Variants in PIAS1 observed in about 807,000 individuals in gnomAD.
PIAS1 encodes protein inhibitor of activated STAT 1, also known as E3 SUMO-protein ligase PIAS1.
A neutral mutation model predicts 71.3 loss-of-function variants in PIAS1; 6 were observed. The ratio of observed to expected loss-of-function variants is 0.08; its 90% CI spans 0.05 to 0.17. PIAS1 has a LOEUF of 0.17. Among genes scored for constraint, PIAS1 ranks in the 10% least tolerant of loss-of-function variants. The pLI is 1.00. For missense variants in PIAS1, 555 were observed against 793.6 expected (o/e 0.70, Z 3.61); for synonymous variants, 303 against 292.9 (o/e 1.03, Z -0.35).
chr15:68,163,479 G>T (rs1018571793), intron 7 of PIAS1, among the ~76,000 whole-genome samples: 3 of 152,064 alleles, frequency 2.0e-5, no homozygotes, highest in African/African-American at 4.8e-5. Flanking sequence ...ACTACCAATT[G>T]GTGTCCCTCT....
intron 8 of PIAS1, among the ~76,000 whole-genome samples, chr15:68,166,045 T>G (rs2092955744): frequency 1.3e-5 from 2 of 152,310 alleles, no homozygotes; most frequent in South Asian, 4.1e-4. Flanking sequence ...TTTTGTAATT[T>G]ATGAAACTTC....
chr15:68,066,275 A>C (rs900533900), intron 1 of PIAS1, among the ~76,000 whole-genome samples: 3 of 151,618 alleles, frequency 2.0e-5, no homozygotes, highest in African/African-American at 7.3e-5. Context: ...TGCCCAGCTA[A>C]TATTTGTGTT....
intron 1 of PIAS1, among the ~76,000 whole-genome samples, chr15:68,085,627 A>G (rs1013868991): frequency 3.9e-5 from 6 of 152,196 alleles, no homozygotes; most frequent in Admixed American, 3.9e-4. Context: ...TAGTAGCTTT[A>G]TGGCTTTATA....
rs1288880680 is a variant in PIAS1 at position 68,174,354 on chromosome 15, C to T, written c.1169+462C>T. Reference sequence around the variant, plus strand: ...TCATGGTCTTCTTTTTCTTTTTTGTCTTGCCCACCTATAGCATCACAAAAC... The same window carrying T: ...TCATGGTCTTCTTTTTCTTTTTTGTTTTGCCCACCTATAGCATCACAAAAC... On this transcript the variant is annotated intron_variant, in intron 9 of 13. Coordinates refer to ENST00000249636, the MANE Select transcript of PIAS1 (RefSeq NM_016166.3). This position sits in a 1 kb window ranked among gnomAD's most constrained non-coding sequence, Gnocchi z 4.0. Among the ~76,000 whole-genome samples, 1 of 152,106 alleles carries T rather than the reference C, an allele frequency of 6.6e-6. No individual in the cohort carries two copies. Among genetic ancestry groups the T allele is most frequent in the Non-Finnish European group, 1.5e-5 (1 of 67,994 alleles).
At chr15:68,085,552 G>A (rs921342310) in intron 1 of PIAS1, among the ~76,000 whole-genome samples, 1 of 152,138 alleles carries the variant, frequency 6.6e-6, no homozygotes, top group African/African-American at 2.4e-5. Flanking sequence ...TTTTCCTAAT[G>A]GTTTAGTGGA....
At chr15:68,096,237 A>G (rs991630329) in intron 2 of PIAS1, among the ~76,000 whole-genome samples, 5 of 152,102 alleles carry the variant, frequency 3.3e-5, no homozygotes, top group African/African-American at 1.2e-4. Flanking sequence ...TCATTTGGCT[A>G]TGTATGTGTG....
chr15:68,189,985 G>C lies in PIAS1; in HGVS notation c.*2150G>C, dbSNP rs1441929634. On this transcript the variant is annotated 3_prime_UTR_variant, in exon 14 of 14. Transcript: ENST00000249636. ...AGGAAACATTTTTACTAATTCAGCT[G>C]TCTTAGGTAAAATGAATAGTTTTCT... 6.6e-6 allele frequency: 1 copy of C among 152,188 alleles called. No individual in the cohort carries two copies. Among genetic ancestry groups the C allele is most frequent in the Non-Finnish European group, 1.5e-5 (1 of 68,032 alleles). The allele number at this position is 152,188 out of a possible 1,614,324, so 9.4% of individuals were successfully genotyped here. A position where few individuals can be genotyped will look rare whatever the true frequency, so the allele number is the denominator to read the frequency against.
chr15:68,098,867 T>A (rs1052252037), intron 2 of PIAS1, among the ~76,000 whole-genome samples: 3 of 152,202 alleles, frequency 2.0e-5, no homozygotes, highest in Admixed American at 6.5e-5. Flanking sequence ...TATGCACTTG[T>A]CTAAATATAG....
Position 68,145,855 on chromosome 15 carries a change from C to T in PIAS1, c.642C>T (p.His214=), listed in dbSNP as rs2141052291. 6.2e-7 allele frequency: 1 copy of T among 1,612,018 alleles called. No homozygotes were observed. The highest frequency in any genetic ancestry group is 1.1e-5 in the South Asian group (1 of 91,016). The change falls in exon 5 of 14, where the codon CAC becomes CAT. Residue 214 remains histidine, a synonymous_variant. Transcript: ENST00000249636. ...LSETSCPQED[H]FPPNLCVKVN... Reference sequence around the variant, plus strand: ...AAACCAGTTGTCCACAAGAAGATCACTTCCCACCCAATCTTTGTGTGAAAG... The same window carrying T: ...AAACCAGTTGTCCACAAGAAGATCATTTCCCACCCAATCTTTGTGTGAAAG...
At chr15:68,131,789 T>A (rs1486379503) in intron 2 of PIAS1, among the ~76,000 whole-genome samples, 1 of 152,182 alleles carries the variant, frequency 6.6e-6, no homozygotes, top group Non-Finnish European at 1.5e-5. Context: ...CCGTACTTGG[T>A]ATTTTGAATA....
intron 2 of PIAS1, among the ~76,000 whole-genome samples, chr15:68,108,686 A>G (rs2092494620): frequency 6.6e-6 from 1 of 152,068 alleles, no homozygotes; most frequent in Non-Finnish European, 1.5e-5. Flanking sequence ...AATGAAGTCT[A>G]CCCTCAGTAT....
intron 2 of PIAS1, among the ~76,000 whole-genome samples, chr15:68,129,124 C>T (rs1044687225): frequency 3.3e-5 from 5 of 152,074 alleles, no homozygotes; most frequent in African/African-American, 1.2e-4. Context: ...TGCAGTGGTA[C>T]GATCATTTTT....
chr15:68,160,868 C>G (rs967208552), intron 7 of PIAS1, among the ~76,000 whole-genome samples: 1 of 152,150 alleles, frequency 6.6e-6, no homozygotes, highest in African/African-American at 2.4e-5. Context: ...TGGTCTAAAA[C>G]TTGAATGCTT....
At chr15:68,057,331 T>C (rs1343249816) in intron 1 of PIAS1, 1 of 274,992 alleles carries the variant, frequency 3.6e-6, no homozygotes, top group African/African-American at 2.3e-5. Context: ...CTTTAGGAAC[T>C]TAGAAGCAGG....
At chr15:68,158,016 C>G (rs2092902463) in intron 7 of PIAS1, among the ~76,000 whole-genome samples, 1 of 152,190 alleles carries the variant, frequency 6.6e-6, no homozygotes, top group Non-Finnish European at 1.5e-5. Context: ...ACATCCCTCT[C>G]CTTGACGCCT....
chr15:68,090,224 A>G (rs1424552904), intron 2 of PIAS1, among the ~76,000 whole-genome samples: 1 of 151,782 alleles, frequency 6.6e-6, no homozygotes, highest in Non-Finnish European at 1.5e-5. Flanking sequence ...ATTTTTTGAG[A>G]CAGGGTTTCG....
intron 1 of PIAS1, among the ~76,000 whole-genome samples, chr15:68,071,260 T>C (rs891317746): frequency 3.6e-5 from 4 of 110,814 alleles, no homozygotes; most frequent in African/African-American, 1.2e-4. Context: ...CCAGGGAGTT[T>C]GCTTCATTCT....
At chr15:68,108,811 A>T (rs1446914017) in intron 2 of PIAS1, among the ~76,000 whole-genome samples, 1 of 152,090 alleles carries the variant, frequency 6.6e-6, no homozygotes, top group Non-Finnish European at 1.5e-5. Context: ...AGGATGTTTT[A>T]TTGGCTCCAC....
Position 68,129,331 on chromosome 15 carries a change from G to A in PIAS1, c.470-12615G>A, listed in dbSNP as rs553344811. Among the ~76,000 whole-genome samples, 41 of 152,168 alleles carry A rather than the reference G, an allele frequency of 2.7e-4. No homozygotes were observed. The East Asian group carries it at 6.2e-3, about 23-fold the overall frequency. On this transcript the variant is annotated intron_variant, in intron 2 of 13. Coordinates refer to ENST00000249636, the MANE Select transcript of PIAS1 (RefSeq NM_016166.3). ...GATCCTTCTGCCTCAGCCACCCAAA[G>A]CACTGGGTTGACAGACCTGAGCCAC... is the stretch of plus-strand genomic sequence containing the variant.
Sources: allele counts gnomAD v4.1 joint callset (sites outside exome capture counted in the v4.1 genomes callset), GRCh38; gene constraint gnomAD v4.1.1; non-coding constraint Gnocchi (gnomAD v3.1); transcripts MANE v1.5; gene names NCBI Gene and HGNC (gene_info 2026-07-23, HGNC 2026-07-21).